TMLHE: variants seen among roughly 807,000 people sequenced by gnomAD.
TMLHE encodes trimethyllysine hydroxylase, epsilon, also known as trimethyllysine dioxygenase, mitochondrial.
TMLHE carries 18 observed loss-of-function variants against 25.7 expected under a neutral mutation model. That is an observed-to-expected ratio of 0.70 (90% CI 0.48 to 1.04). TMLHE has a LOEUF of 1.04. Among genes scored for constraint, TMLHE ranks in the 50% least tolerant of loss-of-function variants. The pLI is 0.00. For synonymous variants in TMLHE, 105 were observed against 97.0 expected, an observed-to-expected ratio of 1.08 and a Z score of -0.49; for missense variants, 236 against 259.0, an observed-to-expected ratio of 0.91 and a Z score of 0.61.
chrX:155,602,667 T>C (rs1487502436), intron 1 of TMLHE, among the ~76,000 whole-genome samples: 5 of 110,297 alleles, frequency 4.5e-5, no homozygotes, highest in African/African-American at 1.7e-4. Context: ...ACCCACACAC[T>C]CACATGCACA....
rs1490268246 is a variant in TMLHE at position 155,519,258 on chromosome X, C to T, written c.359-4993G>A. Among the ~76,000 whole-genome samples the T allele has an allele frequency of 1.9e-3, 26 of 13,975 alleles. 6 individuals carry two copies. Among genetic ancestry groups the T allele is most frequent in the Non-Finnish European group, 4.0e-3 (20 of 5,032 alleles). 12.1% of individuals were successfully genotyped at this position (13,975 alleles called of 115,157 possible). A position where few individuals can be genotyped will look rare whatever the true frequency, so the allele number is the denominator to read the frequency against. ...TTGGTTTCAAAGAACATCTTTATTT[C>T]TGCCTTCATTTCGTTATGTACCCAG... On this transcript the variant is annotated intron_variant, in intron 3 of 7. Transcript: ENST00000334398.
At chrX:155,586,283 T>G (rs1040866172) in intron 1 of TMLHE, among the ~76,000 whole-genome samples, 5 of 104,754 alleles carry the variant, frequency 4.8e-5, no homozygotes, top group Admixed American at 1.0e-4. Flanking sequence ...TGGCATTGAG[T>G]CAAGAAATAA....
intron 5 of TMLHE, among the ~76,000 whole-genome samples, chrX:155,511,013 T>G (rs2067108584): frequency 8.9e-6 from 1 of 111,762 alleles, no homozygotes; most frequent in Non-Finnish European, 1.9e-5. Context: ...ATGATGAGCA[T>G]TTTCTCATGT....
At chrX:155,574,181 A>C (rs1294564678) in intron 1 of TMLHE, among the ~76,000 whole-genome samples, 1 of 108,127 alleles carries the variant, frequency 9.2e-6, no homozygotes, top group African/African-American at 3.6e-5. Flanking sequence ...GAAATTTAAC[A>C]GGGATATCCA....
intron 1 of TMLHE, among the ~76,000 whole-genome samples, chrX:155,559,766 G>T (rs1557341454): frequency 1.8e-5 from 2 of 112,212 alleles, no homozygotes; most frequent in Admixed American, 1.9e-4. Context: ...CATTCCTATA[G>T]ATTCCTTCAT....
At chrX:155,581,620 T>C (rs1230850185) in intron 1 of TMLHE, among the ~76,000 whole-genome samples, 5 of 111,467 alleles carry the variant, frequency 4.5e-5, no homozygotes, top group Non-Finnish European at 9.4e-5. Flanking sequence ...TTACAAGGAA[T>C]ATGAAGGACC....
intron 4 of TMLHE, among the ~76,000 whole-genome samples, chrX:155,512,440 T>C (rs2067123629): frequency 9.2e-6 from 1 of 108,556 alleles, no homozygotes; most frequent in African/African-American, 3.4e-5. Flanking sequence ...GTCCTTGCGA[T>C]AGTTTACTGA....
At chrX:155,526,736 G>A (rs1173927469) in intron 2 of TMLHE, among the ~76,000 whole-genome samples, 4 of 113,184 alleles carry the variant, frequency 3.5e-5, no homozygotes, top group Admixed American at 9.2e-5. Context: ...GCCCAAGGCC[G>A]TGGGAACCCA....
chrX:155,553,780 A>T (rs2067430185), intron 1 of TMLHE, among the ~76,000 whole-genome samples: 1 of 109,080 alleles, frequency 9.2e-6, no homozygotes, highest in African/African-American at 3.4e-5. Context: ...TGTATTATTC[A>T]ATTTACTCCT....
intron 1 of TMLHE, among the ~76,000 whole-genome samples, chrX:155,606,799 C>CAAAA (rs59056895): frequency 1.3e-5 from 1 of 78,472 alleles, no homozygotes; most frequent in Admixed American, 1.5e-4. Flanking sequence ...CACAGAAATA[C>CAAAA]AAAAAAAAAA....
In TMLHE at chrX:155,545,148, A is replaced by G. The variant is rs1557338566; in HGVS notation, c.129T>C (p.His43=). Residue 43 remains histidine, a synonymous_variant, in exon 2 of 8, where the codon CAT becomes CAC. Coordinates refer to ENST00000334398, the MANE Select transcript of TMLHE (RefSeq NM_018196.4). ...CACAAGTCAGAGACTTGGAGGCTGTATGGTGCCAATGGACAGCTAAAGGAA... is the reference window on the plus strand; with the variant it reads ...CACAAGTCAGAGACTTGGAGGCTGTGTGGTGCCAATGGACAGCTAAAGGAA... The part of the protein sequence containing the change: ...SLLPLAVHWH[H]TASKSLTCAW... The G allele has an allele frequency of 2.5e-6, 3 of 1,209,838 alleles. 1 individual carries two copies. The highest frequency in any genetic ancestry group is 3.5e-5 in the South Asian group (2 of 56,732).
rs1483648512 is a variant in TMLHE at position 155,565,676 on chromosome X, G to A, written c.-1-20399C>T. ...CATTTATTTGCCAGGTGCCAAGTAA[G>A]GTTTTTCTGAATGTCCACCATGCTC... On this transcript the variant is annotated intron_variant, in intron 1 of 7. Transcript: ENST00000334398. Among the ~76,000 whole-genome samples the A allele has an allele frequency of 1.9e-4, 12 of 61,932 alleles. 1 individual carries two copies. Among genetic ancestry groups the A allele is most frequent in the African/African-American group, 3.6e-4 (10 of 27,918 alleles). 53.8% of individuals were successfully genotyped at this position (61,932 alleles called of 115,157 possible).
In TMLHE at chrX:155,595,018, C is replaced by T. The variant is rs147077577; in HGVS notation, c.-2+17774G>A. Among the ~76,000 whole-genome samples the T allele has an allele frequency of 7.0e-3, 781 of 111,322 alleles. 6 individuals carry two copies. The highest frequency in any genetic ancestry group is 0.024 in the African/African-American group (725 of 30,649). Reference sequence around the variant, plus strand: ...AAAAATTTAAGAAAAGGGTATGTCACGAATGCATAAAATATATTTAGATGC... The same window carrying T: ...AAAAATTTAAGAAAAGGGTATGTCATGAATGCATAAAATATATTTAGATGC... On this transcript the variant is annotated intron_variant, in intron 1 of 7. Coordinates refer to ENST00000334398, the MANE Select transcript of TMLHE (RefSeq NM_018196.4).
intron 3 of TMLHE, among the ~76,000 whole-genome samples, chrX:155,515,581 T>A (rs1476486534): frequency 2.7e-5 from 3 of 111,755 alleles, no homozygotes; most frequent in African/African-American, 9.7e-5. Context: ...AAAGTCTACT[T>A]ATCTTCATTC....
chrX:155,548,452 C>CCTTCTGG (rs2067371779), intron 1 of TMLHE, among the ~76,000 whole-genome samples: 2 of 110,700 alleles, frequency 1.8e-5, no homozygotes, highest in Admixed American at 9.5e-5. Context: ...AGACATCCTA[C>CCTTCTGG]AGGCTGGGCA....
rs1325090310 is a variant in TMLHE, at chrX:155,572,079, G to C, written c.-1-26802C>G. 2.3e-3 allele frequency among the ~76,000 whole-genome samples: 122 copies of C among 54,033 alleles called. 25 individuals are homozygous for C. Among genetic ancestry groups the C allele is most frequent in the African/African-American group, 5.1e-3 (113 of 22,094 alleles). The allele number at this position is 54,033 out of a possible 115,157, so 46.9% of individuals were successfully genotyped here. A position where few individuals can be genotyped will look rare whatever the true frequency, so the allele number is the denominator to read the frequency against. ...TGCAGACGACATGATCATATATCTAGAAAACCCCATTGTCTCAGCCCAAAA... is the reference window on the plus strand; with the variant it reads ...TGCAGACGACATGATCATATATCTACAAAACCCCATTGTCTCAGCCCAAAA... On this transcript the variant is annotated intron_variant, in intron 1 of 7. Coordinates refer to ENST00000334398, the MANE Select transcript of TMLHE (RefSeq NM_018196.4).
intron 1 of TMLHE, among the ~76,000 whole-genome samples, chrX:155,557,588 T>C (rs2067466445): frequency 1.8e-5 from 2 of 111,783 alleles, no homozygotes; most frequent in African/African-American, 6.5e-5. Context: ...CTATTGCACA[T>C]ATATCAGATC....
intron 1 of TMLHE, among the ~76,000 whole-genome samples, chrX:155,548,716 C>CA (rs1368153020): frequency 2.9e-5 from 3 of 103,848 alleles, no homozygotes; most frequent in Admixed American, 1.0e-4. Flanking sequence ...GCCTGGGCGA[C>CA]AGAGTGAGAC....
At chrX:155,547,190 G>T (rs1198299992) in intron 1 of TMLHE, among the ~76,000 whole-genome samples, 3 of 99,710 alleles carry the variant, frequency 3.0e-5, no homozygotes, top group Non-Finnish European at 6.2e-5. Flanking sequence ...TGTCGCCCAG[G>T]CTGGAGTGCA....
Sources: allele counts gnomAD v4.1 joint callset (sites outside exome capture counted in the v4.1 genomes callset), GRCh38; gene constraint gnomAD v4.1.1; transcripts MANE v1.5; gene names NCBI Gene and HGNC (gene_info 2026-07-23, HGNC 2026-07-21).